The following CUX1 variants were observed in gnomAD, a reference collection of about 807,000 sequenced individuals.
CUX1 encodes the protein protein CASP.
Under a neutral mutation model 158.8 loss-of-function variants are expected in CUX1, and 31 were observed. That is an observed-to-expected ratio of 0.20 (90% CI 0.15 to 0.26). The LOEUF is 0.26. Among genes scored for constraint, CUX1 ranks in the 10% least tolerant of loss-of-function variants. CUX1 has a pLI of 1.00. For synonymous variants in CUX1, 879 were observed against 862.1 expected (o/e 1.02, Z -0.34); for missense variants, 1,589 against 2,014.6 (o/e 0.79, Z 4.04).
chr7:101,910,472 C>A (rs1164367274), intron 1 of CUX1, among the ~76,000 whole-genome samples: 1 of 152,056 alleles, frequency 6.6e-6, no homozygotes, highest in African/African-American at 2.4e-5. Context: ...GTGAACAAAT[C>A]CAAGCCAGGC....
At chr7:102,200,197 C>T in intron 17 of CUX1, 25 bp downstream of exon 17, 1 of 1,575,246 alleles carries the variant, frequency 6.3e-7, no homozygotes, top group Non-Finnish European at 8.7e-7. Flanking sequence ...TCTTCATCCA[C>T]TGTCTTCAAA....
At chr7:102,272,135 G>T (rs1373799084) in intron 14 of CUX1, among the ~76,000 whole-genome samples, 1 of 152,242 alleles carries the variant, frequency 6.6e-6, no homozygotes, top group African/African-American at 2.4e-5. Context: ...CCCAGGTCGG[G>T]AAGCCTCCGT....
chr7:102,256,272 G>C lies in CUX1; in HGVS notation c.*7230G>C, dbSNP rs912498805. The C allele has an allele frequency of 4.2e-5, 41 of 985,332 alleles. No homozygotes were observed. Among genetic ancestry groups the C allele is most frequent in the Non-Finnish European group, 3.4e-5 (28 of 829,952 alleles). The allele number at this position is 985,332 out of a possible 1,614,324, so 61.0% of individuals were successfully genotyped here. A position where few individuals can be genotyped will look rare whatever the true frequency, so the allele number is the denominator to read the frequency against. ...GAAATGGACTGACTGCTACTGACCT[G>C]CCGGCGTGCGTGAGGGTGATTATAA... On this transcript the variant is annotated 3_prime_UTR_variant, in exon 24 of 24. Transcript: ENST00000292535.
chr7:101,877,412 T>C (rs1799256396), intron 1 of CUX1, among the ~76,000 whole-genome samples: 1 of 152,154 alleles, frequency 6.6e-6, no homozygotes, highest in Admixed American at 6.5e-5. Flanking sequence ...ACAGGCCAGG[T>C]ACAGTGGCTC....
intron 22 of CUX1, among the ~76,000 whole-genome samples, chr7:102,235,830 A>G (rs901018046): frequency 1.5e-5 from 2 of 133,970 alleles, no homozygotes; most frequent in East Asian, 5.2e-4. Flanking sequence ...AGGGGTGGGT[A>G]TGGAACCCAG....
chr7:102,110,719 T>G (rs538533716), intron 6 of CUX1, among the ~76,000 whole-genome samples: 2 of 152,340 alleles, frequency 1.3e-5, no homozygotes, highest in African/African-American at 4.8e-5. Flanking sequence ...CTGTTACATA[T>G]CATATGTTAC....
intron 3 of CUX1, among the ~76,000 whole-genome samples, chr7:102,058,780 A>G (rs1824442256): frequency 6.6e-6 from 1 of 152,186 alleles, no homozygotes; most frequent in African/African-American, 2.4e-5. Context: ...ATCCCCTAGG[A>G]AGCCTGCCCC....
rs1285481123 is a variant in CUX1 at position 101,906,208 on chromosome 7, AAC to A, written c.31-9903_31-9902del. On this transcript the variant is annotated intron_variant, in intron 1 of 23. Coordinates refer to ENST00000292535, the MANE Select transcript of CUX1 (RefSeq NM_181552.4). The stretch of plus-strand genomic sequence containing the variant: ...GTTCTGGGAAATTCATAGTGAGCAA[AAC>A]ACAGTCCTTGCTGGAGTTCACAGCC... Among the ~76,000 whole-genome samples the A allele has an allele frequency of 5.3e-5, 8 of 152,016 alleles. No individual in the cohort carries two copies. The East Asian group carries it at 1.4e-3, about 26-fold the overall frequency.
intron 2 of CUX1, among the ~76,000 whole-genome samples, chr7:101,974,860 G>A (rs1338926437): frequency 6.6e-6 from 1 of 152,172 alleles, no homozygotes; most frequent in Non-Finnish European, 1.5e-5. Context: ...TTTTGGGAAG[G>A]AGGCTGTCAT....
intron 8 of CUX1, among the ~76,000 whole-genome samples, chr7:102,148,505 T>A (rs2131468054): frequency 6.6e-6 from 1 of 151,936 alleles, no homozygotes; most frequent in South Asian, 2.1e-4. Context: ...ATTGCACCAG[T>A]GCACTCCAGC....
At chr7:102,266,272 G>A (rs1478304250) in intron 14 of CUX1, among the ~76,000 whole-genome samples, 3 of 151,676 alleles carry the variant, frequency 2.0e-5, no homozygotes, top group Non-Finnish European at 2.9e-5. Flanking sequence ...ATGGAGAGGA[G>A]TGAGGCTACC....
chr7:102,193,988 A>C lies in CUX1; in HGVS notation c.1125+98A>C, dbSNP rs1586149227. On this transcript the variant is annotated intron_variant, in intron 13 of 23. Transcript: ENST00000292535. Reference sequence around the variant, plus strand: ...TCCCATGATCCACTGTTTCTACGAGACCTCTCACTTACAGCCGATGAGTCA... The same window carrying C: ...TCCCATGATCCACTGTTTCTACGAGCCCTCTCACTTACAGCCGATGAGTCA... 4 of 1,181,194 alleles carry C rather than the reference A, an allele frequency of 3.4e-6. No homozygotes were observed. In the South Asian group the frequency reaches 5.1e-5, roughly 15 times the overall value. The allele number at this position is 1,181,194 out of a possible 1,614,324, so 73.2% of individuals were successfully genotyped here.
intron 2 of CUX1, among the ~76,000 whole-genome samples, chr7:102,026,576 T>G (rs750383646): frequency 6.6e-6 from 1 of 151,946 alleles, no homozygotes; most frequent in Admixed American, 6.6e-5. Flanking sequence ...TCCCAGCACT[T>G]TGGGAGGCTG....
intron 2 of CUX1, among the ~76,000 whole-genome samples, chr7:101,939,811 A>C (rs554668220): frequency 6.6e-6 from 1 of 151,812 alleles, no homozygotes; most frequent in East Asian, 1.9e-4. Flanking sequence ...AAATACAAAA[A>C]TTGGGGCTGA....
intron 1 of CUX1, among the ~76,000 whole-genome samples, chr7:101,841,393 A>T (rs1479997336): frequency 1.3e-5 from 2 of 151,494 alleles, no homozygotes; most frequent in Admixed American, 6.6e-5. Flanking sequence ...TTAGTTGTAC[A>T]TAGAGGTTTG....
At chr7:101,917,884 T>A (rs1161358759) in intron 2 of CUX1, among the ~76,000 whole-genome samples, 1 of 152,140 alleles carries the variant, frequency 6.6e-6, no homozygotes, top group East Asian at 1.9e-4. Flanking sequence ...GCCTATAATT[T>A]CAACACTTTG....
rs142833661 is a variant in CUX1, at chr7:101,962,936, G to A, written c.141+46711G>A. ...GGGTCTTGCCATGTTGCCCAGGCTG[G>A]ACTCAAACTCCTGGCCTCAAGTGAT... On this transcript the variant is annotated intron_variant, in intron 2 of 23. Coordinates refer to ENST00000292535, the MANE Select transcript of CUX1 (RefSeq NM_181552.4). Among the ~76,000 whole-genome samples the A allele has an allele frequency of 5.2e-3, 784 of 152,198 alleles. 10 individuals carry two copies. The highest frequency in any genetic ancestry group is 0.018 in the African/African-American group (737 of 41,524).
intron 2 of CUX1, among the ~76,000 whole-genome samples, chr7:102,008,968 G>A (rs1364441746): frequency 3.9e-5 from 6 of 152,138 alleles, no homozygotes; most frequent in African/African-American, 1.4e-4. Flanking sequence ...GATCCATACA[G>A]CAGGGGAGAG....
intron 17 of CUX1, 45 bp downstream of exon 17, chr7:102,200,217 G>A: frequency 1.3e-6 from 2 of 1,513,576 alleles, no homozygotes; most frequent in African/African-American, 1.4e-5. Context: ...ACTTAATTAA[G>A]AGAATTGTCA....
Sources: gnomAD v4.1 joint callset for allele counts (sites outside exome capture counted in the v4.1 genomes callset) on GRCh38, gnomAD v4.1.1 for gene constraint, MANE v1.5 for transcripts, NCBI Gene and HGNC (gene_info 2026-07-23, HGNC 2026-07-21) for gene names.